The following ZNF385A variants were observed in gnomAD, a reference collection of about 807,000 sequenced individuals.
The protein encoded by ZNF385A is zinc finger protein 385A.
ZNF385A carries 14 observed loss-of-function variants against 32.1 expected under a neutral mutation model. The observed-to-expected ratio is 0.44, with a 90% CI of 0.29 to 0.68. ZNF385A has a LOEUF of 0.68. Ranked by LOEUF, ZNF385A falls within the 30% of genes least tolerant of loss-of-function variation. The probability of loss-of-function intolerance (pLI) is 0.14; values close to 1 mark genes in which losing one functional copy is unlikely to be tolerated. For missense variants in ZNF385A, 406 were observed against 478.4 expected (o/e 0.85, Z 1.41); for synonymous variants, 197 against 202.7 (o/e 0.97, Z 0.24).
upstream of ZNF385A, among the ~76,000 whole-genome samples, chr12:54,386,302 G>C (rs1955479294): frequency 6.6e-6 from 1 of 152,036 alleles, no homozygotes; most frequent in Non-Finnish European, 1.5e-5. Context: ...CACTGAGAGA[G>C]AAAAGGATAG....
At chr12:54,380,147 C>T (rs1438792091) in intron 1 of ZNF385A, among the ~76,000 whole-genome samples, 1 of 152,030 alleles carries the variant, frequency 6.6e-6, no homozygotes, top group Non-Finnish European at 1.5e-5. Flanking sequence ...TAGGAACTGC[C>T]CAAGTAGGAG....
At chr12:54,374,461 A>T (rs761268906) in intron 2 of ZNF385A, among the ~76,000 whole-genome samples, 4 of 152,080 alleles carry the variant, frequency 2.6e-5, no homozygotes, top group Non-Finnish European at 5.9e-5. Flanking sequence ...AGAGTTCTAA[A>T]TGGGGAGAGG....
chr12:54,379,918 C>T (rs976061928), intron 1 of ZNF385A, among the ~76,000 whole-genome samples: 1 of 152,240 alleles, frequency 6.6e-6, no homozygotes, highest in African/African-American at 2.4e-5. Flanking sequence ...CCAGACACCT[C>T]GTTCTGTCTA....
upstream of ZNF385A, among the ~76,000 whole-genome samples, chr12:54,388,881 G>A (rs1955565150): frequency 6.6e-6 from 1 of 152,128 alleles, no homozygotes; most frequent in African/African-American, 2.4e-5. Flanking sequence ...CCCCATCTTG[G>A]CAGGAGGCAG....
intron 2 of ZNF385A, 53 bp from the exon 3 acceptor site, chr12:54,374,188 A>G (rs1954716787): frequency 7.3e-7 from 1 of 1,370,058 alleles, no homozygotes; most frequent in East Asian, 2.6e-5. Flanking sequence ...CATCTGACCG[A>G]TCTCCCCACA....
chr12:54,387,404 T>G (rs1299771804), upstream of ZNF385A, among the ~76,000 whole-genome samples: 1 of 152,096 alleles, frequency 6.6e-6, no homozygotes, highest in Non-Finnish European at 1.5e-5. Flanking sequence ...CATTCTGAGG[T>G]GGCGAGAGAG....
chr12:54,370,077 C>T lies in ZNF385A; in HGVS notation c.*179G>A, dbSNP rs1025150319. On this transcript the variant is annotated 3_prime_UTR_variant, in exon 7 of 7. Coordinates refer to ENST00000394313, the MANE Select transcript of ZNF385A (RefSeq NM_015481.3). The surrounding 1 kb of genome is among the most constrained non-coding windows in gnomAD (Gnocchi z 5.5). Reference sequence around the variant, plus strand: ...TCCCTGAGATCTGGGGTGTTCCCCCCCTTCTGAAGCCCCCCTCCCCCGCTA... The same window carrying T: ...TCCCTGAGATCTGGGGTGTTCCCCCTCTTCTGAAGCCCCCCTCCCCCGCTA... 6.1e-6 allele frequency: 3 copies of T among 494,262 alleles called. No homozygotes were observed. The African/African-American group carries it at 6.1e-5, about 10-fold the overall frequency. The allele number at this position is 494,262 out of a possible 1,614,324, so 30.6% of individuals were successfully genotyped here. A position where few individuals can be genotyped will look rare whatever the true frequency, so the allele number is the denominator to read the frequency against.
intron 1 of ZNF385A, among the ~76,000 whole-genome samples, chr12:54,384,122 C>T (rs540931686): frequency 6.6e-6 from 1 of 152,286 alleles, no homozygotes; most frequent in Admixed American, 6.5e-5. Flanking sequence ...GTTACTACCA[C>T]CAATTTAAGT....
intron 1 of ZNF385A, among the ~76,000 whole-genome samples, chr12:54,384,038 A>C (rs1955335730): frequency 6.6e-6 from 1 of 152,180 alleles, no homozygotes; most frequent in Non-Finnish European, 1.5e-5. Flanking sequence ...TGAAACTTAC[A>C]AACAGGCATG....
chr12:54,383,410 A>C (rs1955300569), intron 1 of ZNF385A, among the ~76,000 whole-genome samples: 2 of 146,488 alleles, frequency 1.4e-5, no homozygotes, highest in African/African-American at 5.1e-5. Context: ...TACCTCCCCC[A>C]TTCTCCCTTT....
intron 1 of ZNF385A, among the ~76,000 whole-genome samples, chr12:54,376,622 C>A (rs140183900): frequency 4.7e-4 from 71 of 152,318 alleles, no homozygotes; most frequent in African/African-American, 1.7e-3. Context: ...CCCGAGGCAG[C>A]CCAGGGATCT....
intron 1 of ZNF385A, among the ~76,000 whole-genome samples, chr12:54,384,119 C>T (rs1415914489): frequency 6.6e-6 from 1 of 152,196 alleles, no homozygotes; most frequent in Non-Finnish European, 1.5e-5. Flanking sequence ...ACTGTTACTA[C>T]CACCAATTTA....
In ZNF385A at chr12:54,370,549, C is replaced by G; in HGVS notation, c.871-63G>C. The stretch of plus-strand genomic sequence containing the variant: ...GGCGGTCCTGCAAACCCCACCTCTC[C>G]CTGGGCAAAGCCCGCGTCCCTCTCT... On this transcript the variant is annotated intron_variant, in intron 6 of 6. Coordinates refer to ENST00000394313, the MANE Select transcript of ZNF385A (RefSeq NM_015481.3). This position sits in a 1 kb window ranked among gnomAD's most constrained non-coding sequence, Gnocchi z 5.5. 6.4e-7 allele frequency: 1 copy of G among 1,551,412 alleles called. No individual in the cohort carries two copies. The highest frequency in any genetic ancestry group is 2.0e-5 in the Admixed American group (1 of 51,102).
Position 54,370,802 on chromosome 12 carries a change from G to A in ZNF385A, c.775-81C>T. 1 of 1,591,800 alleles carries A rather than the reference G, an allele frequency of 6.3e-7. No homozygotes were observed. Among genetic ancestry groups the A allele is most frequent in the South Asian group, 1.1e-5 (1 of 90,266 alleles). On this transcript the variant is annotated intron_variant, in intron 5 of 6. Coordinates refer to ENST00000394313, the MANE Select transcript of ZNF385A (RefSeq NM_015481.3). The surrounding 1 kb of genome is among the most constrained non-coding windows in gnomAD (Gnocchi z 5.5). ...GGAGTATAATCAAGCTCCAAGCACC[G>A]GCCCCCTCCCATCTGGCCCCCTGGG...
At chr12:54,381,215 A>AG in intron 1 of ZNF385A, 1 of 146,990 alleles carries the variant, frequency 6.8e-6, no homozygotes. Context: ...AAAAAGAAAA[A>AG]GAAAAAAAGA....
Position 54,375,911 on chromosome 12 carries a change from C to G in ZNF385A, c.131G>C (p.Gly44Ala), listed in dbSNP as rs1954826323. 1 of 1,614,120 alleles carries G rather than the reference C, an allele frequency of 6.2e-7. No homozygotes were observed. The highest frequency in any genetic ancestry group is 1.3e-5 in the African/African-American group (1 of 75,032). Residue 44 changes from glycine to alanine, a missense_variant, in exon 2 of 7, where the codon GGA becomes GCA. Transcript: ENST00000394313. ...GGGCCGCTTGGTCTTGAGCAAGGGTCCCCCAAAAGTGTGGGAGAGCACAGC... is the reference window on the plus strand; with the variant it reads ...GGGCCGCTTGGTCTTGAGCAAGGGTGCCCCAAAAGTGTGGGAGAGCACAGC... ...QKAVLSHTFGGPLLKTKRPVI... is the reference protein window; with the variant it reads ...QKAVLSHTFGAPLLKTKRPVI...
upstream of ZNF385A, among the ~76,000 whole-genome samples, chr12:54,388,423 G>A (rs73322216): frequency 0.023 from 3,490 of 152,234 alleles, 137 homozygotes; most frequent in African/African-American, 0.079. Flanking sequence ...TTCGGGCCTG[G>A]TCTGGAGCCC....
At chr12:54,379,223 C>T (rs1955009909) in intron 1 of ZNF385A, 8 of 980,038 alleles carry the variant, frequency 8.2e-6, no homozygotes, top group Middle Eastern at 5.2e-4. Flanking sequence ...GGGGAGGCGG[C>T]GCTGGCCCGG....
chr12:54,370,704 C>A lies in ZNF385A; in HGVS notation c.792G>T (p.Arg264=). The A allele has an allele frequency of 6.3e-7, 1 of 1,577,068 alleles. No homozygotes were observed. The highest frequency in any genetic ancestry group is 1.1e-5 in the South Asian group (1 of 87,698). The change falls in exon 6 of 7, where the codon CGG becomes CGT. Residue 264 remains arginine, a synonymous_variant. Transcript: ENST00000394313. The surrounding 1 kb of genome is among the most constrained non-coding windows in gnomAD (Gnocchi z 5.5). ...VQLKQHISSR[R]HRDGVAGKPN... ...GCTTCCCGGCCACGCCGTCTCGGTG[C>A]CGCCGGCTGGAGATGTGCTGCGGGG...
Sources: allele counts gnomAD v4.1 joint callset (sites outside exome capture counted in the v4.1 genomes callset), GRCh38; gene constraint gnomAD v4.1.1; non-coding constraint Gnocchi (gnomAD v3.1); transcripts MANE v1.5; gene names NCBI Gene and HGNC (gene_info 2026-07-23, HGNC 2026-07-21).